Variants in C6orf62 observed in about 807,000 individuals in gnomAD.
C6orf62 encodes the protein uncharacterized protein C6orf62.
Under a neutral mutation model 26.8 loss-of-function variants are expected in C6orf62, and 16 were observed. The ratio of observed to expected loss-of-function variants is 0.60; its 90% CI spans 0.40 to 0.91. The LOEUF (loss-of-function observed/expected upper bound fraction) is 0.91, where lower values mean the gene tolerates loss of function less well. Among genes scored for constraint, C6orf62 ranks in the 40% least tolerant of loss-of-function variants. C6orf62 has a pLI of 0.00. For missense variants in C6orf62, 192 were observed against 271.4 expected (o/e 0.71, Z 2.06); for synonymous variants, 112 against 91.5 (o/e 1.22, Z -1.28).
At chr6:24,717,799 C>T (rs953894513) in intron 1 of C6orf62, among the ~76,000 whole-genome samples, 2 of 152,152 alleles carry the variant, frequency 1.3e-5, no homozygotes, top group African/African-American at 4.8e-5. Flanking sequence ...GTCAAATAAG[C>T]CTTGCTGATA....
At chr6:24,717,380 T>C (rs1198893027) in intron 1 of C6orf62, among the ~76,000 whole-genome samples, 1 of 152,226 alleles carries the variant, frequency 6.6e-6, no homozygotes, top group African/African-American at 2.4e-5. Flanking sequence ...AAAGTGGAGA[T>C]GTAAGTCCTT....
At chr6:24,715,406 A>AT (rs1473097614) in intron 2 of C6orf62, among the ~76,000 whole-genome samples, 5 of 152,232 alleles carry the variant, frequency 3.3e-5, no homozygotes, top group Admixed American at 6.5e-5. Flanking sequence ...AAACGGAGAC[A>AT]TAAGACATTT....
upstream of C6orf62, chr6:24,720,580 G>A (rs186349900): frequency 4.7e-4 from 85 of 179,828 alleles, 2 homozygotes; most frequent in East Asian, 0.013. Context: ...GGAAGGGAAA[G>A]GAAGCCCTGC....
chr6:24,720,162 G>A, upstream of C6orf62: 1 of 1,362,214 alleles, frequency 7.3e-7, no homozygotes, highest in Non-Finnish European at 9.4e-7. Context: ...AGCTAGGGCG[G>A]GGTGGGTGAC....
upstream of C6orf62, chr6:24,720,453 G>A (rs1779333904): frequency 5.7e-6 from 6 of 1,059,660 alleles, no homozygotes; most frequent in Non-Finnish European, 6.9e-6. Flanking sequence ...CTGGCTCGGC[G>A]CCCTGGGCGG....
At chr6:24,712,904 A>G (rs1450848615) in intron 3 of C6orf62, among the ~76,000 whole-genome samples, 1 of 152,186 alleles carries the variant, frequency 6.6e-6, no homozygotes, top group Non-Finnish European at 1.5e-5. Context: ...ACTAAAAAAC[A>G]ACAAAATCCT....
At chr6:24,719,587 T>C, upstream of C6orf62, 2 of 1,384,556 alleles carry the variant, frequency 1.4e-6, no homozygotes, top group South Asian at 1.6e-5. Flanking sequence ...TATAATACGG[T>C]ATTAATTATT....
At chr6:24,714,514 G>A (rs1293995945) in intron 2 of C6orf62, 74 bp from the exon 3 acceptor site, 2 of 1,141,746 alleles carry the variant, frequency 1.8e-6, no homozygotes, top group Non-Finnish European at 2.5e-6. Flanking sequence ...CAAATTATAG[G>A]GTTCCCCTAT....
intron 3 of C6orf62, among the ~76,000 whole-genome samples, chr6:24,713,564 C>G (rs1052247849): frequency 1.3e-5 from 2 of 151,970 alleles, no homozygotes; most frequent in African/African-American, 4.8e-5. Context: ...AAAATGAGTC[C>G]TTAATATCAT....
At chr6:24,707,198 T>C (rs548245596) in intron 4 of C6orf62, 1 of 152,316 alleles carries the variant, frequency 6.6e-6, no homozygotes, top group East Asian at 1.9e-4. Context: ...TTACGTTAAA[T>C]TTAACAACCT....
upstream of C6orf62, chr6:24,719,751 C>G: frequency 6.5e-7 from 1 of 1,540,518 alleles, no homozygotes; most frequent in Non-Finnish European, 8.8e-7. Flanking sequence ...ATTGCCGAGG[C>G]AAAGGTGGCG....
At position 24,718,763 on chromosome 6, in the gene C6orf62, T is replaced by A; in HGVS notation, c.-95A>T. ...CAAGTACAACAGAAACAAGTCATTTTTTTTCCTGCTAATATGATTGATTAG... is the reference window on the plus strand; with the variant it reads ...CAAGTACAACAGAAACAAGTCATTTATTTTCCTGCTAATATGATTGATTAG... On this transcript the variant is annotated 5_prime_UTR_variant, in exon 1 of 5. Coordinates refer to ENST00000378119, the MANE Select transcript of C6orf62 (RefSeq NM_030939.5). 6.3e-7 allele frequency: 1 copy of A among 1,576,954 alleles called. No homozygotes were observed. The highest frequency in any genetic ancestry group is 2.2e-5 in the East Asian group (1 of 44,608).
intron 1 of C6orf62, 80 bp downstream of exon 1, chr6:24,718,460 C>G (rs1192133941): frequency 3.0e-6 from 4 of 1,351,186 alleles, no homozygotes; most frequent in Non-Finnish European, 4.1e-6. Flanking sequence ...ACCTAATATT[C>G]ATAATAATTT....
Position 24,706,309 on chromosome 6 carries a change from CG to C in C6orf62, c.565-48del, listed in dbSNP as rs775446407. The C allele has an allele frequency of 3.7e-6, 6 of 1,602,816 alleles. No homozygotes were observed. The East Asian group carries it at 1.3e-4, about 36-fold the overall frequency. On this transcript the variant is annotated intron_variant, in intron 4 of 4. Coordinates refer to ENST00000378119, the MANE Select transcript of C6orf62 (RefSeq NM_030939.5). ...ATATTTTTTAAAAATAAGACTTTAG[CG>C]TAACTGTCACATGAAGTCCATTTCC...
At chr6:24,713,526 G>A (rs1779162762) in intron 3 of C6orf62, among the ~76,000 whole-genome samples, 3 of 152,036 alleles carry the variant, frequency 2.0e-5, no homozygotes, top group African/African-American at 7.3e-5. Context: ...AAATAAAGAA[G>A]CCTTCTAATA....
chr6:24,708,600 A>G (rs1023856666), intron 4 of C6orf62, among the ~76,000 whole-genome samples, 177 bp downstream of exon 4: 2 of 152,184 alleles, frequency 1.3e-5, no homozygotes, highest in East Asian at 3.9e-4. Context: ...GGCTTTCCAA[A>G]GTGCTGGGAT....
At chr6:24,709,183 T>G in intron 3 of C6orf62, 1 of 978,044 alleles carries the variant, frequency 1.0e-6, no homozygotes, top group Non-Finnish European at 1.2e-6. Context: ...AACAATCTCT[T>G]GAGATACAGA....
At chr6:24,716,445 T>C (rs1350032858) in intron 1 of C6orf62, 121 bp from the exon 2 acceptor site, 5 of 675,274 alleles carry the variant, frequency 7.4e-6, no homozygotes, top group Admixed American at 2.8e-5. Flanking sequence ...CAGTAACTTA[T>C]ACACTGAAAA....
chr6:24,714,567 T>C lies in C6orf62; in HGVS notation c.307-127A>G, dbSNP rs1779187493. The C allele has an allele frequency of 1.3e-5, 8 of 606,108 alleles. No individual in the cohort carries two copies. In the East Asian group the frequency reaches 2.4e-4, roughly 18 times the overall value. 37.5% of individuals were successfully genotyped at this position (606,108 alleles called of 1,614,324 possible). A position where few individuals can be genotyped will look rare whatever the true frequency, so the allele number is the denominator to read the frequency against. On this transcript the variant is annotated intron_variant, in intron 2 of 4. Coordinates refer to ENST00000378119, the MANE Select transcript of C6orf62 (RefSeq NM_030939.5). The stretch of plus-strand genomic sequence containing the variant: ...ACAAAAGATCTACCATATATCATTT[T>C]ATATCTTAGGAAGTAAACATAATAG...
Sources: allele counts gnomAD v4.1 joint callset (sites outside exome capture counted in the v4.1 genomes callset), GRCh38; gene constraint gnomAD v4.1.1; transcripts MANE v1.5; gene names NCBI Gene and HGNC (gene_info 2026-07-23, HGNC 2026-07-21).